GRIP1: variants seen among roughly 807,000 people sequenced by gnomAD.
The protein encoded by GRIP1 is glutamate receptor interacting protein 1.
Under a neutral mutation model 129.9 loss-of-function variants are expected in GRIP1, and 45 were observed. The observed-to-expected ratio is 0.35, with a 90% CI of 0.27 to 0.44. The LOEUF (loss-of-function observed/expected upper bound fraction) is 0.44. GRIP1 is among the 20% of genes least tolerant of loss of function. GRIP1 has a pLI of 1.00. For missense variants in GRIP1, 1,196 were observed against 1,396.8 expected (o/e 0.86, Z 2.29); for synonymous variants, 530 against 520.8 (o/e 1.02, Z -0.24).
At chr12:66,690,687 G>A (rs1363153226) in intron 1 of GRIP1, among the ~76,000 whole-genome samples, 3 of 149,886 alleles carry the variant, frequency 2.0e-5, no homozygotes, top group Admixed American at 6.6e-5. Flanking sequence ...GCAACATAGC[G>A]AGACCTTGTC....
rs184251954 is a variant in GRIP1, at chr12:66,462,266, A to G, written c.1042+658T>C. Among the ~76,000 whole-genome samples the G allele has an allele frequency of 2.0e-5, 3 of 152,372 alleles. No individual in the cohort carries two copies. In the East Asian group the frequency reaches 5.8e-4, roughly 29 times the overall value. ...AATATATTGTAAACCAAGGCTTCAT[A>G]TAACTGGTTCCCTCTGATTCCTGCC... On this transcript the variant is annotated intron_variant, in intron 9 of 24. Coordinates refer to ENST00000359742, the MANE Select transcript of GRIP1 (RefSeq NM_001366722.1).
chr12:66,854,065 T>C (rs187677600), intron 1 of GRIP1, among the ~76,000 whole-genome samples: 297 of 152,186 alleles, frequency 2.0e-3, no homozygotes, highest in African/African-American at 6.9e-3. Context: ...AGGAGATTTA[T>C]TGAGCACTTT....
chr12:66,530,460 A>C (rs1479801383), intron 4 of GRIP1, among the ~76,000 whole-genome samples: 3 of 152,216 alleles, frequency 2.0e-5, no homozygotes, highest in Admixed American at 6.5e-5. Flanking sequence ...AGGGCAAAAG[A>C]AATTCTAAGT....
At chr12:66,904,093 G>T (rs1371056762) in intron 1 of GRIP1, among the ~76,000 whole-genome samples, 1 of 152,208 alleles carries the variant, frequency 6.6e-6, no homozygotes, top group Non-Finnish European at 1.5e-5. Context: ...CTTTTAGGAA[G>T]TATGGTATTT....
intron 1 of GRIP1, among the ~76,000 whole-genome samples, chr12:67,023,434 C>T (rs1034875776): frequency 6.6e-6 from 1 of 152,138 alleles, no homozygotes; most frequent in South Asian, 2.1e-4. Flanking sequence ...AAAGTAGTTA[C>T]CCGTAAATGT....
At chr12:66,755,253 A>G (rs1011341072) in intron 1 of GRIP1, among the ~76,000 whole-genome samples, 1 of 152,190 alleles carries the variant, frequency 6.6e-6, no homozygotes, top group Non-Finnish European at 1.5e-5. Context: ...TAGAAATGTG[A>G]AATCTCTTAA....
chr12:67,022,140 C>G (rs2042876770), intron 1 of GRIP1, among the ~76,000 whole-genome samples: 1 of 152,158 alleles, frequency 6.6e-6, no homozygotes, highest in South Asian at 2.1e-4. Flanking sequence ...ACGCTGATCT[C>G]TTCCATATAC....
At chr12:66,967,180 G>T (rs2042010299) in intron 1 of GRIP1, among the ~76,000 whole-genome samples, 1 of 151,752 alleles carries the variant, frequency 6.6e-6, no homozygotes, top group Admixed American at 6.6e-5. Context: ...GTTTTATTTT[G>T]CTTTTAATTG....
chr12:66,819,787 A>G (rs1026054839), intron 1 of GRIP1, among the ~76,000 whole-genome samples: 1 of 152,196 alleles, frequency 6.6e-6, no homozygotes, highest in African/African-American at 2.4e-5. Flanking sequence ...TCTTGAACCC[A>G]TCAGAGATGT....
At chr12:66,602,848 CTTTTTTTTT>C (rs71436016) in intron 1 of GRIP1, among the ~76,000 whole-genome samples, 781 of 71,642 alleles carry the variant, frequency 0.011, 5 homozygotes, top group African/African-American at 0.033. Context: ...AGATCTTTTG[CTTTTTTTTT>C]TTTTTTTTTT....
At chr12:66,905,911 A>C (rs541212609) in intron 1 of GRIP1, among the ~76,000 whole-genome samples, 2 of 152,314 alleles carry the variant, frequency 1.3e-5, no homozygotes, top group Non-Finnish European at 2.9e-5. Context: ...TATATCTTTA[A>C]GACATTTTAA....
intron 1 of GRIP1, among the ~76,000 whole-genome samples, chr12:66,710,864 T>C (rs2035690652): frequency 6.6e-6 from 1 of 151,950 alleles, no homozygotes; most frequent in South Asian, 2.1e-4. Flanking sequence ...ATCTCTGAAA[T>C]GCTCTTATAG....
At chr12:66,749,256 A>G (rs996702273) in intron 1 of GRIP1, among the ~76,000 whole-genome samples, 1 of 152,324 alleles carries the variant, frequency 6.6e-6, no homozygotes, top group East Asian at 1.9e-4. Context: ...ATCTAACACC[A>G]ACTGGGCATA....
chr12:66,880,791 G>A (rs563757279), intron 1 of GRIP1, among the ~76,000 whole-genome samples: 3 of 152,150 alleles, frequency 2.0e-5, no homozygotes, highest in South Asian at 4.2e-4. Context: ...CTGATTAACC[G>A]ACCTGTACAT....
chr12:66,559,129 CT>C (rs1194895048), intron 2 of GRIP1, among the ~76,000 whole-genome samples: 4 of 135,130 alleles, frequency 3.0e-5, no homozygotes, highest in African/African-American at 1.1e-4. Context: ...TTCAATATCC[CT>C]TCATGATAAA....
intron 7 of GRIP1, among the ~76,000 whole-genome samples, chr12:66,508,967 G>A (rs1021085010): frequency 6.6e-6 from 1 of 152,188 alleles, no homozygotes; most frequent in Admixed American, 6.5e-5. Context: ...ACCTGCCCAA[G>A]GATTGGTGTT....
intron 1 of GRIP1, among the ~76,000 whole-genome samples, chr12:66,930,730 G>A (rs886929390): frequency 2.0e-5 from 3 of 151,990 alleles, no homozygotes; most frequent in Non-Finnish European, 4.4e-5. Context: ...CCCTTAACCT[G>A]CCCTGTTATT....
At chr12:66,597,592 T>C (rs975922332) in intron 1 of GRIP1, among the ~76,000 whole-genome samples, 5 of 152,254 alleles carry the variant, frequency 3.3e-5, no homozygotes, top group African/African-American at 1.2e-4. Flanking sequence ...TGTGCTCTTT[T>C]AGAAAGAGAT....
chr12:66,456,046 C>A, intron 10 of GRIP1, 141 bp downstream of exon 10: 1 of 442,034 alleles, frequency 2.3e-6, no homozygotes, highest in Non-Finnish European at 4.1e-6. Context: ...AAGAAAAAAA[C>A]CTAGGAGATG....
Sources: allele counts gnomAD v4.1 joint callset (sites outside exome capture counted in the v4.1 genomes callset), GRCh38; gene constraint gnomAD v4.1.1; transcripts MANE v1.5; gene names NCBI Gene and HGNC (gene_info 2026-07-23, HGNC 2026-07-21).